CCDC171: variants seen among roughly 807,000 people sequenced by gnomAD.
The protein encoded by CCDC171 is coiled-coil domain containing 171.
A neutral mutation model predicts 168.2 loss-of-function variants in CCDC171; 177 were observed. That is an observed-to-expected ratio of 1.05 (90% CI 0.93 to 1.19). CCDC171 has a LOEUF of 1.19. Ranked by LOEUF, CCDC171 falls within the 50% of genes most tolerant of loss-of-function variation. The pLI, the probability that CCDC171 is intolerant of heterozygous loss-of-function variation, is 0.00. For missense variants in CCDC171, 1,991 were observed against 1,539.0 expected, an observed-to-expected ratio of 1.29 and a Z score of -4.91; for synonymous variants, 687 against 540.8, an observed-to-expected ratio of 1.27 and a Z score of -3.75.
intron 12 of CCDC171, 38 bp from the exon 13 acceptor site, chr9:15,723,643 T>C (rs2053626832): frequency 6.6e-7 from 1 of 1,509,932 alleles, no homozygotes; most frequent in East Asian, 2.3e-5. Context: ...GTTACTTATA[T>C]TTTCTTTCAT....
chr9:15,959,496 T>C (rs549862623), intron 25 of CCDC171, among the ~76,000 whole-genome samples: 1 of 152,136 alleles, frequency 6.6e-6, no homozygotes, highest in South Asian at 2.1e-4. Context: ...TTTACAAAAA[T>C]AAAAGTATGT....
At chr9:15,643,029 GT>G (rs1032277795) in intron 7 of CCDC171, among the ~76,000 whole-genome samples, 2 of 151,234 alleles carry the variant, frequency 1.3e-5, no homozygotes, top group Admixed American at 6.6e-5. Flanking sequence ...TGTTAGCCTT[GT>G]TTTTTTTCTC....
chr9:16,085,315 C>T, the CCDC171 span, among the ~76,000 whole-genome samples: 1 of 152,204 alleles, frequency 6.6e-6, no homozygotes, highest in Non-Finnish European at 1.5e-5. Flanking sequence ...AGTCTTACGA[C>T]ACTGTTGGAA....
the CCDC171 span, among the ~76,000 whole-genome samples, chr9:16,105,452 A>AC: frequency 8.7e-4 from 132 of 151,468 alleles, 2 homozygotes; most frequent in Non-Finnish European, 1.4e-3. Context: ...GAAGTCCAGC[A>AC]CCCCCCCCTT....
At chr9:15,906,749 G>A (rs1464290515) in intron 24 of CCDC171, among the ~76,000 whole-genome samples, 2 of 152,124 alleles carry the variant, frequency 1.3e-5, no homozygotes, top group East Asian at 3.8e-4. Context: ...GTTTGCAGAC[G>A]ACATGATTGT....
At chr9:15,789,058 G>A (rs1258811635) in intron 21 of CCDC171, among the ~76,000 whole-genome samples, 1 of 152,090 alleles carries the variant, frequency 6.6e-6, no homozygotes, top group Non-Finnish European at 1.5e-5. Flanking sequence ...TCAGTATGTG[G>A]AAATCAAAGT....
At chr9:15,607,463 C>T (rs2043310717) in intron 6 of CCDC171, among the ~76,000 whole-genome samples, 1 of 151,780 alleles carries the variant, frequency 6.6e-6, no homozygotes, top group Admixed American at 6.6e-5. Context: ...TTATATTTTT[C>T]ACTTTTTTTT....
intron 18 of CCDC171, among the ~76,000 whole-genome samples, chr9:15,758,361 G>A (rs1564356968): frequency 2.0e-5 from 3 of 152,196 alleles, no homozygotes; most frequent in Non-Finnish European, 4.4e-5. Context: ...CGTGGGGCCT[G>A]TAGCCCCTTT....
At chr9:15,647,396 A>G (rs1564130480) in intron 7 of CCDC171, among the ~76,000 whole-genome samples, 2 of 150,904 alleles carry the variant, frequency 1.3e-5, no homozygotes, top group African/African-American at 4.8e-5. Context: ...AGACATAACT[A>G]AGAGCAGAAC....
At chr9:16,028,913 C>G (rs1429886857) in intron 6 of CCDC171, among the ~76,000 whole-genome samples, 5 of 152,280 alleles carry the variant, frequency 3.3e-5, no homozygotes, top group Non-Finnish European at 7.4e-5. Context: ...CCTTCCTTTT[C>G]ATGGAGTCAG....
intron 10 of CCDC171, among the ~76,000 whole-genome samples, chr9:15,686,054 T>A (rs916628746): frequency 6.6e-6 from 1 of 152,190 alleles, no homozygotes; most frequent in Non-Finnish European, 1.5e-5. Context: ...AGTGTGGAAA[T>A]ATTAGCTCAT....
chr9:15,700,236 C>T (rs549717098), intron 11 of CCDC171, among the ~76,000 whole-genome samples: 1 of 152,348 alleles, frequency 6.6e-6, no homozygotes, highest in East Asian at 1.9e-4. Flanking sequence ...CGCCGGTGGG[C>T]TGGCACTGCT....
chr9:15,681,975 A>G (rs929492209), intron 10 of CCDC171, among the ~76,000 whole-genome samples: 1 of 152,090 alleles, frequency 6.6e-6, no homozygotes, highest in Non-Finnish European at 1.5e-5. Flanking sequence ...CAGACTATGG[A>G]TGGGAAGCAT....
Position 15,677,911 on chromosome 9 carries a change from TATATATATATATATAA to T in CCDC171, c.1077-846_1077-831del, listed in dbSNP as rs1336937295. Among the ~76,000 whole-genome samples the T allele has an allele frequency of 4.2e-3, 115 of 27,692 alleles. 11 individuals carry two copies. The highest frequency in any genetic ancestry group is 7.2e-3 in the Admixed American group (14 of 1,932). The allele number at this position is 27,692 out of a possible 152,430, so 18.2% of individuals were successfully genotyped here. A position where few individuals can be genotyped will look rare whatever the true frequency, so the allele number is the denominator to read the frequency against. ...ATATATATATATATATATATATATA[TATATATATATATATAA>T]GAGATGTGGTCTCATTCTGTTACCT... On this transcript the variant is annotated intron_variant, in intron 9 of 25. Transcript: ENST00000380701.
intron 9 of CCDC171, among the ~76,000 whole-genome samples, chr9:15,677,807 A>G (rs1234992712): frequency 4.3e-5 from 6 of 138,184 alleles, no homozygotes; most frequent in African/African-American, 1.6e-4. Flanking sequence ...TCATATATAT[A>G]CACACACACA....
In CCDC171 at chr9:15,615,801, C is replaced by T. The variant is rs1302889541; in HGVS notation, c.676-7466C>T. On this transcript the variant is annotated intron_variant, in intron 6 of 25. Coordinates refer to ENST00000380701, the MANE Select transcript of CCDC171 (RefSeq NM_173550.4). ...GATTTTTTTTTTTTTTTTCTTCAGA[C>T]AGGGTCTCACTCTGTCACCCAGGCT... Among the ~76,000 whole-genome samples the T allele has an allele frequency of 3.4e-5, 5 of 146,146 alleles. No homozygotes were observed. The East Asian group carries it at 8.1e-4, about 24-fold the overall frequency.
At chr9:15,694,520 A>T (rs192346143) in intron 10 of CCDC171, among the ~76,000 whole-genome samples, 228 of 152,278 alleles carry the variant, frequency 1.5e-3, no homozygotes, top group Admixed American at 4.1e-3. Context: ...AATAGCCAAA[A>T]CGAGACCCTC....
At chr9:15,796,271 G>T (rs1383350584) in intron 21 of CCDC171, among the ~76,000 whole-genome samples, 3 of 151,340 alleles carry the variant, frequency 2.0e-5, no homozygotes, top group Admixed American at 6.6e-5. Context: ...AGAAAGCTGA[G>T]GAAATAACAC....
chr9:15,913,217 G>A (rs989723487), intron 24 of CCDC171, among the ~76,000 whole-genome samples: 1 of 152,118 alleles, frequency 6.6e-6, no homozygotes, highest in East Asian at 1.9e-4. Flanking sequence ...CTTGTTATTG[G>A]TCTATTCAGG....
Sources: allele counts gnomAD v4.1 joint callset (sites outside exome capture counted in the v4.1 genomes callset), GRCh38; gene constraint gnomAD v4.1.1; transcripts MANE v1.5; gene names NCBI Gene and HGNC (gene_info 2026-07-23, HGNC 2026-07-21).